Variants in TRDN observed in about 807,000 individuals in gnomAD.
The protein encoded by TRDN is triadin in skeletal muscle.
A neutral mutation model predicts 149.7 loss-of-function variants in TRDN; 161 were observed. That is an observed-to-expected ratio of 1.08 (90% CI 0.95 to 1.23). TRDN has a LOEUF of 1.23. Among genes scored for constraint, TRDN ranks in the 50% most tolerant of loss-of-function variants. The probability of loss-of-function intolerance (pLI) is 0.00; values close to 1 mark genes in which losing one functional copy is unlikely to be tolerated. For missense variants in TRDN, 896 were observed against 823.5 expected, an observed-to-expected ratio of 1.09 and a Z score of -1.08; for synonymous variants, 294 against 250.5, an observed-to-expected ratio of 1.17 and a Z score of -1.64.
At chr6:123,338,279 T>C (rs1040005712) in intron 21 of TRDN, among the ~76,000 whole-genome samples, 15 of 152,006 alleles carry the variant, frequency 9.9e-5, no homozygotes, top group Admixed American at 8.5e-4. Flanking sequence ...GAAAGACACA[T>C]TTTAGAGAAA....
intron 24 of TRDN, among the ~76,000 whole-genome samples, chr6:123,281,216 AATG>A (rs1248704201): frequency 2.0e-5 from 3 of 152,208 alleles, no homozygotes; most frequent in African/African-American, 7.2e-5. Context: ...AATCACTGGC[AATG>A]ATAACTGAGA....
Position 123,381,441 on chromosome 6 carries a change from C to T in TRDN, c.1166-51G>A, listed in dbSNP as rs1015326852. On this transcript the variant is annotated intron_variant, in intron 15 of 40. Coordinates refer to ENST00000334268, the MANE Select transcript of TRDN (RefSeq NM_006073.4). ...TGCTCTTAAAACTTTAAAGATAAAA[C>T]GTACTACCCTACATATTGATTAGAC... 2.6e-5 allele frequency: 39 copies of T among 1,496,954 alleles called. No individual in the cohort carries two copies. In the East Asian group the frequency reaches 5.4e-4, roughly 21 times the overall value. The allele number at this position is 1,496,954 out of a possible 1,614,324, so 92.7% of individuals were successfully genotyped here.
intron 10 of TRDN, chr6:123,457,513 T>G (rs1402429525): frequency 2.4e-6 from 1 of 418,486 alleles, no homozygotes; most frequent in Admixed American, 2.8e-5. Flanking sequence ...AAAATATATT[T>G]ATAGCTCATA....
At chr6:123,560,962 T>C (rs1377591334) in intron 2 of TRDN, among the ~76,000 whole-genome samples, 1 of 152,120 alleles carries the variant, frequency 6.6e-6, no homozygotes. Flanking sequence ...TGTTCAGGCC[T>C]CCTCCCTTTC....
intron 35 of TRDN, among the ~76,000 whole-genome samples, chr6:123,258,715 C>T (rs1355351956): frequency 6.6e-6 from 1 of 152,060 alleles, no homozygotes; most frequent in Non-Finnish European, 1.5e-5. Context: ...GGAATGGTAC[C>T]AGCTCCTCTT....
At chr6:123,500,475 A>G (rs1778651261) in intron 8 of TRDN, among the ~76,000 whole-genome samples, 2 of 152,170 alleles carry the variant, frequency 1.3e-5, no homozygotes, top group Admixed American at 6.5e-5. Context: ...GTTTCTTTAA[A>G]CCCAACTTAA....
chr6:123,590,450 T>C (rs1783723058), intron 1 of TRDN, among the ~76,000 whole-genome samples: 1 of 152,186 alleles, frequency 6.6e-6, no homozygotes, highest in African/African-American at 2.4e-5. Flanking sequence ...AATTATTTTA[T>C]TATATATTAC....
intron 1 of TRDN, among the ~76,000 whole-genome samples, chr6:123,597,144 T>C (rs149003715): frequency 9.7e-4 from 147 of 152,188 alleles, no homozygotes; most frequent in African/African-American, 3.3e-3. Context: ...GGTCAAAATA[T>C]CAACATTATC....
At chr6:123,281,449 T>C (rs1777581818) in intron 24 of TRDN, among the ~76,000 whole-genome samples, 2 of 152,034 alleles carry the variant, frequency 1.3e-5, no homozygotes, top group South Asian at 4.1e-4. Context: ...AAATGTGATT[T>C]AGGGACATAG....
intron 13 of TRDN, among the ~76,000 whole-genome samples, chr6:123,391,934 G>A (rs1364974806): frequency 2.0e-5 from 3 of 151,980 alleles, no homozygotes; most frequent in Admixed American, 6.6e-5. Flanking sequence ...ATATGCCTAT[G>A]GCATTAAAAT....
chr6:123,222,756 G>T (rs1345149206), intron 39 of TRDN, among the ~76,000 whole-genome samples: 1 of 151,682 alleles, frequency 6.6e-6, no homozygotes, highest in Admixed American at 6.6e-5. Flanking sequence ...CCTGGCAAAG[G>T]TCTAATATCC....
intron 1 of TRDN, among the ~76,000 whole-genome samples, chr6:123,620,849 C>T (rs1182265715): frequency 1.3e-5 from 2 of 151,998 alleles, no homozygotes; most frequent in Non-Finnish European, 2.9e-5. Context: ...CTAATAAAGC[C>T]AGCAAGTCAA....
At chr6:123,605,366 G>T (rs1478834776) in intron 1 of TRDN, among the ~76,000 whole-genome samples, 1 of 150,866 alleles carries the variant, frequency 6.6e-6, no homozygotes, top group Non-Finnish European at 1.5e-5. Context: ...AAACTCCTCT[G>T]AACATATTGG....
At chr6:123,289,165 A>G (rs1010609783) in intron 24 of TRDN, among the ~76,000 whole-genome samples, 4 of 148,058 alleles carry the variant, frequency 2.7e-5, no homozygotes, top group Non-Finnish European at 5.9e-5. Flanking sequence ...ATATATACAC[A>G]CACGTACACA....
chr6:123,318,191 TC>T (rs746367576), intron 23 of TRDN, among the ~76,000 whole-genome samples: 60 of 151,466 alleles, frequency 4.0e-4, no homozygotes, highest in African/African-American at 1.3e-3. Context: ...AACAACTTTT[TC>T]TTTTCTCTAA....
chr6:123,429,768 T>C (rs1448381060), intron 12 of TRDN, among the ~76,000 whole-genome samples: 3 of 152,238 alleles, frequency 2.0e-5, no homozygotes, highest in Non-Finnish European at 4.4e-5. Flanking sequence ...ATAATTACAT[T>C]ATTTTATTTA....
At chr6:123,522,517 C>CTTTTTTTTTTT (rs375665403) in intron 5 of TRDN, among the ~76,000 whole-genome samples, 16 of 87,222 alleles carry the variant, frequency 1.8e-4, no homozygotes, top group African/African-American at 3.4e-4. Context: ...TGCGGTTCCT[C>CTTTTTTTTTTT]TTTTTTTTTT....
At position 123,587,173 on chromosome 6, in the gene TRDN, G is replaced by A. The variant is rs192308004; in HGVS notation, c.23-16041C>T. ...AAAAGCGGGACTTGCCACTAAGGAT[G>A]AAGGACCAAGGCAGGCGTCCCTGCG... On this transcript the variant is annotated intron_variant, in intron 1 of 40. Coordinates refer to ENST00000334268, the MANE Select transcript of TRDN (RefSeq NM_006073.4). Among the ~76,000 whole-genome samples the A allele has an allele frequency of 4.7e-4, 71 of 152,250 alleles. 1 individual carries two copies. The East Asian group carries it at 0.013, about 28-fold the overall frequency.
At chr6:123,546,847 C>T (rs958468407) in intron 4 of TRDN, among the ~76,000 whole-genome samples, 4 of 152,060 alleles carry the variant, frequency 2.6e-5, no homozygotes, top group African/African-American at 9.7e-5. Context: ...TGACACATCA[C>T]ACATACCAAC....
Sources: allele counts gnomAD v4.1 joint callset (sites outside exome capture counted in the v4.1 genomes callset), GRCh38; gene constraint gnomAD v4.1.1; transcripts MANE v1.5; gene names NCBI Gene and HGNC (gene_info 2026-07-23, HGNC 2026-07-21).